Variants in SLC9A4 observed in about 807,000 individuals in gnomAD.
SLC9A4 encodes sodium/hydrogen exchanger 4.
SLC9A4 carries 63 observed loss-of-function variants against 67.4 expected under a neutral mutation model. The observed-to-expected ratio is 0.93, with a 90% CI of 0.76 to 1.15. The LOEUF is 1.15. Ranked by LOEUF, SLC9A4 falls within the 50% of genes most tolerant of loss-of-function variation. SLC9A4 has a pLI of 0.00. For missense variants in SLC9A4, 1,089 were observed against 987.7 expected (o/e 1.10, Z -1.38); for synonymous variants, 393 against 367.2 (o/e 1.07, Z -0.80).
At chr2:102,475,420 G>T (rs964074771) in intron 1 of SLC9A4, among the ~76,000 whole-genome samples, 3 of 152,198 alleles carry the variant, frequency 2.0e-5, no homozygotes, top group Non-Finnish European at 4.4e-5. Flanking sequence ...TCCTGTCACT[G>T]ACTAGCTAGT....
intron 6 of SLC9A4, among the ~76,000 whole-genome samples, chr2:102,509,942 C>T (rs1363331763): frequency 6.6e-6 from 1 of 152,062 alleles, no homozygotes; most frequent in Non-Finnish European, 1.5e-5. Flanking sequence ...TGGGAATCCC[C>T]TAATCTCTTG....
At chr2:102,512,162 C>T (rs757974983) in intron 6 of SLC9A4, 41 bp from the exon 7 acceptor site, 77 of 1,609,708 alleles carry the variant, frequency 4.8e-5, no homozygotes, top group South Asian at 1.8e-4. Context: ...TTTCAGAGTT[C>T]GCGTTTCTCC....
chr2:102,520,035 G>C (rs1558672016), intron 9 of SLC9A4, 80 bp downstream of exon 9: 2 of 1,158,568 alleles, frequency 1.7e-6, no homozygotes, highest in Non-Finnish European at 2.5e-6. Context: ...TGATGTTCAA[G>C]TCTCCTGATG....
At chr2:102,497,673 G>A (rs181758227) in intron 2 of SLC9A4, among the ~76,000 whole-genome samples, 238 of 152,308 alleles carry the variant, frequency 1.6e-3, no homozygotes, top group African/African-American at 5.6e-3. Flanking sequence ...GGCCAGGGTC[G>A]GAGAGAAGGA....
At chr2:102,515,486 G>C (rs1323317542) in intron 8 of SLC9A4, among the ~76,000 whole-genome samples, 1 of 150,270 alleles carries the variant, frequency 6.7e-6, no homozygotes, top group Non-Finnish European at 1.5e-5. Context: ...GTGGTGGAGG[G>C]GTTGTCGGTT....
At chr2:102,488,992 G>A (rs1269334113) in intron 2 of SLC9A4, among the ~76,000 whole-genome samples, 1 of 152,176 alleles carries the variant, frequency 6.6e-6, no homozygotes, top group Non-Finnish European at 1.5e-5. Context: ...GACACTGCTT[G>A]TTCCACTATG....
chr2:102,494,371 G>T lies in SLC9A4; in HGVS notation c.721-9077G>T, dbSNP rs572736567. On this transcript the variant is annotated intron_variant, in intron 2 of 11. Coordinates refer to ENST00000295269, the MANE Select transcript of SLC9A4 (RefSeq NM_001011552.4). ...CTGGTCAATAGATAAAATTAAAATA[G>T]AATTCTAACAAGTATTCAATAAATA... Among the ~76,000 whole-genome samples the T allele has an allele frequency of 1.7e-4, 25 of 149,264 alleles. No homozygotes were observed. The East Asian group carries it at 4.4e-3, about 27-fold the overall frequency.
At chr2:102,481,656 T>C (rs1684465558) in intron 2 of SLC9A4, among the ~76,000 whole-genome samples, 1 of 152,190 alleles carries the variant, frequency 6.6e-6, no homozygotes, top group Non-Finnish European at 1.5e-5. Flanking sequence ...AACTTTTCAA[T>C]GTCCCATAAA....
rs764680635 is a variant in SLC9A4, at chr2:102,519,860, G to A, written c.1723G>A (p.Ala575Thr). 2.5e-6 allele frequency: 4 copies of A among 1,613,438 alleles called. No homozygotes were observed. In the South Asian group the frequency reaches 4.4e-5, roughly 18 times the overall value. ...SSTAFSIPHQAQRIQGIKRLS... is the reference protein window; with the variant it reads ...SSTAFSIPHQTQRIQGIKRLS... ...TCTCTTCTCCAATAATGATTCCAGG[G>A]CCCAGAGGATACAAGGAATCAAAAG... The change falls in exon 9 of 12, where the codon GCC becomes ACC. Residue 575 changes from alanine (A) to threonine (T), a missense_variant and splice_region_variant. Transcript: ENST00000295269.
chr2:102,498,657 C>T (rs1684859452), intron 2 of SLC9A4, among the ~76,000 whole-genome samples: 1 of 152,116 alleles, frequency 6.6e-6, no homozygotes, highest in Non-Finnish European at 1.5e-5. Context: ...TTCTAAGACC[C>T]ATATGTGGCA....
intron 11 of SLC9A4, among the ~76,000 whole-genome samples, chr2:102,528,407 T>C (rs2104450976): frequency 6.9e-6 from 1 of 143,886 alleles, no homozygotes; most frequent in African/African-American, 2.8e-5. Context: ...GTTCTTTCTT[T>C]TTTTTTTTTA....
intron 1 of SLC9A4, among the ~76,000 whole-genome samples, chr2:102,478,108 G>T (rs1175919803): frequency 6.6e-6 from 1 of 152,192 alleles, no homozygotes; most frequent in African/African-American, 2.4e-5. Flanking sequence ...GACAATCAGA[G>T]ACCCATGGTG....
At chr2:102,506,731 A>C (rs1378612744) in intron 4 of SLC9A4, among the ~76,000 whole-genome samples, 1 of 152,220 alleles carries the variant, frequency 6.6e-6, no homozygotes, top group East Asian at 1.9e-4. Flanking sequence ...TGCCAAGAGA[A>C]GTAAAATTAC....
intron 2 of SLC9A4, among the ~76,000 whole-genome samples, chr2:102,502,471 A>T (rs1206284980): frequency 6.6e-6 from 1 of 152,206 alleles, no homozygotes; most frequent in Non-Finnish European, 1.5e-5. Context: ...ATGCATTATA[A>T]AATGTATTAA....
At chr2:102,486,577 A>C (rs1158003355) in intron 2 of SLC9A4, among the ~76,000 whole-genome samples, 4 of 152,194 alleles carry the variant, frequency 2.6e-5, no homozygotes, top group Admixed American at 2.6e-4. Context: ...ATGGGAGCCA[A>C]GAGGAGATAG....
In SLC9A4 at chr2:102,524,996, C is replaced by T. The variant is rs200529310; in HGVS notation, c.1819-28C>T. 2.3e-5 allele frequency: 37 copies of T among 1,612,710 alleles called. No individual in the cohort carries two copies. In the African/African-American group the frequency reaches 3.5e-4, roughly 15 times the overall value. ...TGAAAGTTGTATGGAGGAGTCCTTA[C>T]GTATTTGACATTCCATTTTCTCTGC... On this transcript the variant is annotated intron_variant, in intron 9 of 11. Coordinates refer to ENST00000295269, the MANE Select transcript of SLC9A4 (RefSeq NM_001011552.4).
intron 4 of SLC9A4, among the ~76,000 whole-genome samples, chr2:102,506,921 G>C (rs1272212363): frequency 6.6e-6 from 1 of 152,114 alleles, no homozygotes; most frequent in African/African-American, 2.4e-5. Flanking sequence ...AATTGACAGA[G>C]CCAGGTGTTG....
At chr2:102,483,267 G>T (rs1684505450) in intron 2 of SLC9A4, among the ~76,000 whole-genome samples, 1 of 152,136 alleles carries the variant, frequency 6.6e-6, no homozygotes. Context: ...GGCACTGCTG[G>T]GTCCCTAAGT....
chr2:102,478,810 G>A (rs776742394), intron 1 of SLC9A4, 29 bp from the exon 2 acceptor site: 1 of 1,599,536 alleles, frequency 6.3e-7, no homozygotes, highest in Non-Finnish European at 8.5e-7. Flanking sequence ...TCGTTTGCAA[G>A]CACCTAACTG....
Sources: allele counts gnomAD v4.1 joint callset (sites outside exome capture counted in the v4.1 genomes callset), GRCh38; gene constraint gnomAD v4.1.1; transcripts MANE v1.5; gene names NCBI Gene and HGNC (gene_info 2026-07-23, HGNC 2026-07-21).